The following TTN variants were observed in gnomAD, a reference collection of about 807,000 sequenced individuals.
TTN encodes titin.
In TTN, 1,525 loss-of-function variants were observed where a neutral mutation model predicts 3,223.0. The observed-to-expected ratio is 0.47, with a 90% CI of 0.45 to 0.49. The LOEUF is 0.49. TTN is among the 20% of genes least tolerant of loss of function. The probability of loss-of-function intolerance (pLI) is 0.00; values close to 1 mark genes in which losing one functional copy is unlikely to be tolerated. For missense variants in TTN, 40,786 were observed against 43,424.0 expected (o/e 0.94, Z 5.40); for synonymous variants, 14,094 against 15,161.0 (o/e 0.93, Z 5.17).
chr2:178,642,237 C>G lies in TTN; in HGVS notation c.40558G>C (p.Val13520Leu), dbSNP rs587780488. ...ACAGAATGGTTGAAAAATACTATAC[C>G]GCTTTTCAGAACAACTTCTTCCTTT... ...EPKEEVVLKS[V>L]LRKRPEEEEP... Residue 13520 changes from valine to leucine, a missense_variant and splice_region_variant, in exon 219 of 363, where the codon GTT becomes CTT. Physicochemically the swap from Val to Leu is conservative, Grantham distance 32. Transcript: ENST00000589042. 19 of 1,579,782 alleles carry G rather than the reference C, an allele frequency of 1.2e-5. No individual in the cohort carries two copies. The highest frequency in any genetic ancestry group is 1.6e-5 in the Non-Finnish European group (19 of 1,161,372).
In TTN at chr2:178,595,537, A is replaced by T. The variant is rs778433386; in HGVS notation, c.57817T>A (p.Ser19273Thr). The change falls in exon 295 of 363, where the codon TCA becomes ACA. Residue 19273 changes from serine (S) to threonine (T), a missense_variant. Physicochemically the swap from Ser to Thr is moderately conservative, Grantham distance 58. Transcript: ENST00000589042. ...SIGMGPFVETSEALVIREPIT... is the reference protein window; with the variant it reads ...SIGMGPFVETTEALVIREPIT... ...GGCTCTCTGATAACAAGTGCCTCTG[A>T]TGTCTCAACAAATGGACCCATGCCA... is the stretch of plus-strand genomic sequence containing the variant. 3.2e-6 allele frequency: 5 copies of T among 1,563,278 alleles called. No individual in the cohort carries two copies. In the African/African-American group the frequency reaches 5.4e-5, roughly 17 times the overall value.
At chr2:178,527,834 T>G (rs1342730868) in intron 361 of TTN, 86 bp from the exon 362 acceptor site, 1 of 1,273,838 alleles carries the variant, frequency 7.9e-7, no homozygotes, top group Admixed American at 2.7e-5. Flanking sequence ...AAATGGAAAC[T>G]TCAACACACA....
Position 178,664,013 on chromosome 2 carries a change from A to G in TTN, c.36364+2T>C. The G allele has an allele frequency of 6.2e-7, 1 of 1,613,290 alleles. No individual in the cohort carries two copies. The highest frequency in any genetic ancestry group is 8.5e-7 in the Non-Finnish European group (1 of 1,179,718). On this transcript the variant is annotated splice_donor_variant, in intron 169 of 362. Transcript: ENST00000589042. LOFTEE classifies it high-confidence loss of function. ...CTGAAGCCTAAAGTCAGTGACAAAT[A>G]CCTTTAACAGGTGGGACTTCAGGCT...
At chr2:178,705,064 T>A in intron 103 of TTN, 98 bp from the exon 104 acceptor site, 1 of 1,572,136 alleles carries the variant, frequency 6.4e-7, no homozygotes, top group Non-Finnish European at 8.7e-7. Flanking sequence ...GCTGGTTAGG[T>A]CATATTAAAT....
rs776357924 is a variant in TTN, at chr2:178,553,499, T to C, written c.89503+3A>G. The C allele has an allele frequency of 1.9e-6, 3 of 1,605,926 alleles. No individual in the cohort carries two copies. The East Asian group carries it at 6.7e-5, about 36-fold the overall frequency. On this transcript the variant is annotated splice_donor_region_variant and intron_variant, in intron 334 of 362. Coordinates refer to ENST00000589042, the MANE Select transcript of TTN (RefSeq NM_001267550.2). The stretch of plus-strand genomic sequence containing the variant: ...AAACATAATCAAACCAGTAGGTACA[T>C]ACCAAGTATATCTTTAGCTTGTACA...
chr2:178,594,662 T>C lies in TTN; in HGVS notation c.57848-16A>G. 6.4e-7 allele frequency: 1 copy of C among 1,562,040 alleles called. No individual in the cohort carries two copies. Among genetic ancestry groups the C allele is most frequent in the Non-Finnish European group, 8.7e-7 (1 of 1,155,186 alleles). On this transcript the variant is annotated splice_polypyrimidine_tract_variant and intron_variant, in intron 295 of 362. Coordinates refer to ENST00000589042, the MANE Select transcript of TTN (RefSeq NM_001267550.2). ...TCTGGTACAGCTGCGAATATAAGTATAGGAATTGTGGTAGAAAAAAATGTC... is the reference window on the plus strand; with the variant it reads ...TCTGGTACAGCTGCGAATATAAGTACAGGAATTGTGGTAGAAAAAAATGTC...
chr2:178,749,565 C>T, intron 47 of TTN: 1 of 1,612,714 alleles, frequency 6.2e-7, no homozygotes, highest in African/African-American at 1.3e-5. Context: ...ACAGATTCTC[C>T]CTGGTCTTGC....
At position 178,775,077 on chromosome 2, in the gene TTN, T is replaced by C. The variant is rs771623139; in HGVS notation, c.6634A>G (p.Met2212Val). The change falls in exon 29 of 363, where the codon ATG (methionine) becomes GTG (valine). Residue 2212 changes from methionine to valine, a missense_variant. Transcript: ENST00000589042. ...FVKVKWYKDG[M>V]EVHEGDKYRM... ...TATTTATCTCCCTCATGAACCTCCA[T>C]ACCATCTTTATACCATTTCACTTTG... 3.1e-6 allele frequency: 5 copies of C among 1,614,058 alleles called. No individual in the cohort carries two copies. Among genetic ancestry groups the C allele is most frequent in the African/African-American group, 1.3e-5 (1 of 75,046 alleles).
At chr2:178,788,987 T>C (rs2093350569) in intron 13 of TTN, among the ~76,000 whole-genome samples, 1 of 152,064 alleles carries the variant, frequency 6.6e-6, no homozygotes, top group Non-Finnish European at 1.5e-5. Flanking sequence ...AAAACACACA[T>C]CTTCTTGACA....
At position 178,581,962 on chromosome 2, in the gene TTN, G is replaced by T. The variant is rs767451470; in HGVS notation, c.66407C>A (p.Ala22136Asp). The T allele has an allele frequency of 7.4e-6, 12 of 1,613,136 alleles. No homozygotes were observed. The highest frequency in any genetic ancestry group is 9.3e-6 in the Non-Finnish European group (11 of 1,179,500). ...TGCGTCACTGGGTTTGCCTGGTCCA[G>T]CTTTATTTATAGCTGTAACACGGAA... The part of the protein sequence containing the change: ...YEFRVTAINK[A>D]GPGKPSDASK... The change falls in exon 315 of 363, where the codon GCT becomes GAT. Residue 22136 changes from alanine (A) to aspartate (D), a missense_variant. Transcript: ENST00000589042.
intron 282 of TTN, among the ~76,000 whole-genome samples, chr2:178,603,056 C>T (rs1202251663): frequency 1.3e-5 from 2 of 151,956 alleles, no homozygotes; most frequent in Non-Finnish European, 2.9e-5. Flanking sequence ...ACAATAATCC[C>T]ATAACAATCC....
intron 15 of TTN, among the ~76,000 whole-genome samples, chr2:178,784,925 C>A (rs2093056549): frequency 6.6e-6 from 1 of 152,130 alleles, no homozygotes; most frequent in Non-Finnish European, 1.5e-5. Context: ...ATGTAACTTA[C>A]AGTTCTTTGA....
Position 178,799,305 on chromosome 2 carries a change from G to A in TTN, c.914+182C>T. On this transcript the variant is annotated intron_variant, in intron 6 of 362. Transcript: ENST00000589042. ...ACACACAAGCGGCTGGATGTCCAGA[G>A]GAACACGGAGCCCCACAACCTGCCC... 6 of 893,550 alleles carry A rather than the reference G, an allele frequency of 6.7e-6. No homozygotes were observed. The South Asian group carries it at 9.8e-5, about 15-fold the overall frequency. The allele number at this position is 893,550 out of a possible 1,614,324, so 55.4% of individuals were successfully genotyped here.
chr2:178,714,578 T>C lies in TTN; in HGVS notation c.26201-5A>G. 3 of 1,582,840 alleles carry C rather than the reference T, an allele frequency of 1.9e-6. No individual in the cohort carries two copies. The highest frequency in any genetic ancestry group is 2.6e-6 in the Non-Finnish European group (3 of 1,164,766). On this transcript the variant is annotated splice_polypyrimidine_tract_variant and splice_region_variant and intron_variant, in intron 90 of 362. Transcript: ENST00000589042. ...TCTTCACAAATCTTGGTGGTGCTGATGAAAAAGGAGGAAAGCCTGGGTTTT... is the reference window on the plus strand; with the variant it reads ...TCTTCACAAATCTTGGTGGTGCTGACGAAAAAGGAGGAAAGCCTGGGTTTT...
chr2:178,614,112 T>C lies in TTN; in HGVS notation c.49285A>G (p.Asn16429Asp). The C allele has an allele frequency of 6.2e-7, 1 of 1,612,560 alleles. No homozygotes were observed. ...KEYIFRVAAE[N>D]MYGVGEPVQA... ...ACTGGTTCACCAACACCATACATGT[T>C]TTCTGCAGCAACTCTGAAGATGTAC... The change falls in exon 262 of 363, where the codon AAC becomes GAC. Residue 16429 changes from asparagine (N) to aspartate (D), a missense_variant. By Grantham distance (23) the Asn-to-Asp change is conservative (BLOSUM62 1). Transcript: ENST00000589042.
chr2:178,551,848 T>A lies in TTN; in HGVS notation c.91052A>T (p.Asp30351Val). 1 of 1,613,902 alleles carries A rather than the reference T, an allele frequency of 6.2e-7. No homozygotes were observed. Among genetic ancestry groups the A allele is most frequent in the Non-Finnish European group, 8.5e-7 (1 of 1,179,816 alleles). Residue 30351 changes from aspartate to valine, a missense_variant, in exon 335 of 363, where the codon GAT becomes GTT. Asp to Val is a radical substitution (Grantham distance 152). Coordinates refer to ENST00000589042, the MANE Select transcript of TTN (RefSeq NM_001267550.2). ...GAATCCAGTAACTTCTGAACCACCA[T>A]CATAAACTGGAGCATCCCAAGTTAG... ...MSLTWDAPVYDGGSEVTGFHV... is the reference protein window; with the variant it reads ...MSLTWDAPVYVGGSEVTGFHV...
chr2:178,672,297 T>G (rs1286171516), intron 154 of TTN, 30 bp from the exon 155 acceptor site: 2 of 1,602,620 alleles, frequency 1.2e-6, no homozygotes, highest in African/African-American at 2.7e-5. Context: ...AAGACTTATT[T>G]TTTTAAACAC....
rs769360937 is a variant in TTN at position 178,552,365 on chromosome 2, G to A, written c.90535C>T (p.Arg30179Cys). The A allele has an allele frequency of 3.3e-5, 52 of 1,593,996 alleles. No homozygotes were observed. In the South Asian group the frequency reaches 3.4e-4, roughly 11 times the overall value. ...GLPLKESEFV[R>C]FSKTENKITL... ...ATTTTGTTTTCAGTTTTACTGAAGCGAACAAATTCACTTTCTTTCAGTGGC... is the reference window on the plus strand; with the variant it reads ...ATTTTGTTTTCAGTTTTACTGAAGCAAACAAATTCACTTTCTTTCAGTGGC... The change falls in exon 335 of 363, where the codon CGC becomes TGC. Residue 30179 changes from arginine to cysteine, a missense_variant. By Grantham distance (180) the Arg-to-Cys change is radical (BLOSUM62 -3). Transcript: ENST00000589042.
At chr2:178,782,166 GTA>G in intron 20 of TTN, 44 bp downstream of exon 20, 1 of 1,605,396 alleles carries the variant, frequency 6.2e-7, no homozygotes, top group Non-Finnish European at 8.5e-7. Flanking sequence ...CTTCATGCAC[GTA>G]TTATACAAGT....
Sources: allele counts gnomAD v4.1 joint callset (sites outside exome capture counted in the v4.1 genomes callset), GRCh38; gene constraint gnomAD v4.1.1; transcripts MANE v1.5; gene names NCBI Gene and HGNC (gene_info 2026-07-23, HGNC 2026-07-21).